Variants in FBLN5 observed in about 807,000 individuals in gnomAD.
FBLN5 encodes fibulin 5.
FBLN5 carries 24 observed loss-of-function variants against 61.6 expected under a neutral mutation model. That is an observed-to-expected ratio of 0.39 (90% CI 0.28 to 0.55). The LOEUF (loss-of-function observed/expected upper bound fraction) is 0.55, where lower values mean the gene tolerates loss of function less well. Among genes scored for constraint, FBLN5 ranks in the 20% least tolerant of loss-of-function variants. FBLN5 has a pLI of 0.65. For synonymous variants in FBLN5, 213 were observed against 219.8 expected (o/e 0.97, Z 0.27); for missense variants, 470 against 594.1 (o/e 0.79, Z 2.17).
At chr14:91,922,382 C>A (rs927859982) in intron 4 of FBLN5, among the ~76,000 whole-genome samples, 2 of 151,800 alleles carry the variant, frequency 1.3e-5, no homozygotes, top group South Asian at 4.2e-4. Flanking sequence ...CATTCCTAGG[C>A]CTGCCTTCCT....
At chr14:91,928,124 C>T (rs1255509878) in intron 4 of FBLN5, among the ~76,000 whole-genome samples, 1 of 152,248 alleles carries the variant, frequency 6.6e-6, no homozygotes, top group Non-Finnish European at 1.5e-5. Context: ...CAAGTGGAGA[C>T]TTGGTAGGGT....
chr14:91,880,526 CGTGTGTGTGTGTGT>C (rs140201135), intron 9 of FBLN5, among the ~76,000 whole-genome samples: 6 of 147,456 alleles, frequency 4.1e-5, no homozygotes, highest in Admixed American at 6.7e-5. Flanking sequence ...AGTGTGCGTG[CGTGTGTGTGTGTGT>C]GTGTGTGTGT....
intron 4 of FBLN5, among the ~76,000 whole-genome samples, chr14:91,922,224 C>A (rs569344501): frequency 7.9e-5 from 12 of 151,590 alleles, no homozygotes; most frequent in Admixed American, 7.9e-4. Context: ...ACCCAGGAGG[C>A]GGAAATTGCA....
chr14:91,931,616 G>A (rs949862564), intron 4 of FBLN5, among the ~76,000 whole-genome samples: 2 of 152,186 alleles, frequency 1.3e-5, no homozygotes, highest in Non-Finnish European at 2.9e-5. Flanking sequence ...TGCAGTCCCC[G>A]GAGTAGCAGG....
intron 2 of FBLN5, chr14:91,942,282 C>T (rs908502574): frequency 9.5e-6 from 4 of 421,564 alleles, no homozygotes; most frequent in Non-Finnish European, 1.9e-5. Context: ...GGGTTTCAGC[C>T]CAGGGATGGG....
rs532836010 is a variant in FBLN5 at position 91,869,934 on chromosome 14, T to C, written c.*290A>G. 2.2e-4 allele frequency: 93 copies of C among 421,818 alleles called. No individual in the cohort carries two copies. Among genetic ancestry groups the C allele is most frequent in the Non-Finnish European group, 3.9e-4 (87 of 224,076 alleles). The allele number at this position is 421,818 out of a possible 1,614,324, so 26.1% of individuals were successfully genotyped here. ...AAACCTAATCTATTTTCTTTGAAAA[T>C]AGTGGAAATAAACTGAAGGCCTTGA... On this transcript the variant is annotated 3_prime_UTR_variant, in exon 11 of 11. Coordinates refer to ENST00000342058, the MANE Select transcript of FBLN5 (RefSeq NM_006329.4).
chr14:91,888,643 CACACACACACAG>C (rs1383654936), intron 6 of FBLN5, among the ~76,000 whole-genome samples: 5 of 145,172 alleles, frequency 3.4e-5, no homozygotes, highest in Admixed American at 1.4e-4. Flanking sequence ...TATATATATA[CACACACACACAG>C]ACACACACAC....
At chr14:91,925,553 T>C (rs2055813746) in intron 4 of FBLN5, among the ~76,000 whole-genome samples, 1 of 152,174 alleles carries the variant, frequency 6.6e-6, no homozygotes. Flanking sequence ...TCTGGAGTTG[T>C]GCAAGGAGCT....
intron 5 of FBLN5, among the ~76,000 whole-genome samples, chr14:91,894,414 AAAAAAAAAAAAAAC>A (rs1890125583): frequency 7.1e-6 from 1 of 141,712 alleles, no homozygotes; most frequent in Non-Finnish European, 1.5e-5. Context: ...AAAAAAAAAA[AAAAAAAAAAAAAAC>A]CGAAAAAAAC....
intron 4 of FBLN5, among the ~76,000 whole-genome samples, chr14:91,924,457 G>A (rs1260029065): frequency 6.6e-6 from 1 of 152,188 alleles, no homozygotes; most frequent in Non-Finnish European, 1.5e-5. Flanking sequence ...GGAGGCAGAG[G>A]TGGGCGGATT....
chr14:91,945,202 G>A (rs1165720248), intron 1 of FBLN5, among the ~76,000 whole-genome samples: 1 of 149,576 alleles, frequency 6.7e-6, no homozygotes, highest in Non-Finnish European at 1.5e-5. Context: ...CTGCATTCCA[G>A]CCCGGGAGAC....
At chr14:91,896,839 A>G (rs994292497) in intron 4 of FBLN5, among the ~76,000 whole-genome samples, 2 of 152,172 alleles carry the variant, frequency 1.3e-5, no homozygotes, top group African/African-American at 4.8e-5. Flanking sequence ...TCATCCATTC[A>G]GTTGGCTTCT....
intron 1 of FBLN5, chr14:91,946,561 G>A (rs1037911246): frequency 7.6e-6 from 5 of 660,198 alleles, no homozygotes; most frequent in East Asian, 5.6e-5. Context: ...ACATACATAC[G>A]CACACAAGGT....
intron 9 of FBLN5, 47 bp from the exon 10 acceptor site, chr14:91,877,729 T>G: frequency 6.8e-7 from 1 of 1,473,602 alleles, no homozygotes; most frequent in Non-Finnish European, 9.5e-7. Context: ...CCATTCCAGG[T>G]GCTGGCTGTG....
chr14:91,887,442 A>C, intron 6 of FBLN5, 130 bp from the exon 7 acceptor site: 1 of 932,604 alleles, frequency 1.1e-6, no homozygotes, highest in South Asian at 1.3e-5. Context: ...AAGGCTCTCC[A>C]CCCAGGACCT....
At chr14:91,925,110 G>A (rs1180399009) in intron 4 of FBLN5, among the ~76,000 whole-genome samples, 43 of 146,076 alleles carry the variant, frequency 2.9e-4, no homozygotes, top group Non-Finnish European at 1.5e-5. Flanking sequence ...TAAGACCTGT[G>A]AAATATGTAG....
chr14:91,906,123 G>C (rs1405910572), intron 4 of FBLN5, among the ~76,000 whole-genome samples: 2 of 152,174 alleles, frequency 1.3e-5, no homozygotes, highest in South Asian at 4.1e-4. Flanking sequence ...CCAACCTCAG[G>C]TGATCTGCCT....
intron 1 of FBLN5, among the ~76,000 whole-genome samples, chr14:91,945,644 G>A (rs891377102): frequency 6.6e-6 from 1 of 152,170 alleles, no homozygotes; most frequent in Non-Finnish European, 1.5e-5. Flanking sequence ...CTGGGTATTA[G>A]AGGACCTGGA....
At chr14:91,919,444 G>A (rs1322405618) in intron 4 of FBLN5, among the ~76,000 whole-genome samples, 1 of 143,556 alleles carries the variant, frequency 7.0e-6, no homozygotes, top group African/African-American at 2.6e-5. Context: ...GATTACCAGG[G>A]GTCTCTGACC....
Sources: gnomAD v4.1 joint callset for allele counts (sites outside exome capture counted in the v4.1 genomes callset) on GRCh38, gnomAD v4.1.1 for gene constraint, MANE v1.5 for transcripts, NCBI Gene and HGNC (gene_info 2026-07-23, HGNC 2026-07-21) for gene names.